MTUS1: variants seen among roughly 807,000 people sequenced by gnomAD.
MTUS1 encodes microtubule-associated tumor suppressor 1.
Under a neutral mutation model 120.8 loss-of-function variants are expected in MTUS1, and 109 were observed. The observed-to-expected ratio is 0.90, with a 90% CI of 0.77 to 1.06. MTUS1 has a LOEUF of 1.06. Ranked by LOEUF, MTUS1 falls within the 50% of genes least tolerant of loss-of-function variation. The pLI, the probability that MTUS1 is intolerant of heterozygous loss-of-function variation, is 0.00. For missense variants in MTUS1, 2,210 were observed against 1,486.3 expected (o/e 1.49, Z -8.01); for synonymous variants, 737 against 550.5 (o/e 1.34, Z -4.74).
intron 1 of MTUS1, among the ~76,000 whole-genome samples, chr8:17,799,115 A>C (rs79592721): frequency 0.04 from 6,068 of 152,266 alleles, 401 homozygotes; most frequent in African/African-American, 0.14. Context: ...AATTTGGTTA[A>C]ACATTTTTTG....
intron 1 of MTUS1, among the ~76,000 whole-genome samples, chr8:17,798,939 G>A (rs957574391): frequency 2.6e-5 from 4 of 152,070 alleles, no homozygotes. Flanking sequence ...GATTTCTTTG[G>A]TGTTCAAATC....
intron 8 of MTUS1, among the ~76,000 whole-genome samples, chr8:17,670,990 GGGGTGTTC>G (rs1227327418): frequency 6.6e-6 from 1 of 152,082 alleles, no homozygotes; most frequent in East Asian, 1.9e-4. Flanking sequence ...TCTAGGGGGA[GGGGTGTTC>G]CACTGTGAAA....
intron 3 of MTUS1, among the ~76,000 whole-genome samples, chr8:17,725,386 C>G (rs186962336): frequency 2.6e-5 from 4 of 152,186 alleles, no homozygotes; most frequent in African/African-American, 9.6e-5. Context: ...TCCCCTCCTT[C>G]GGCTCCAGCC....
chr8:17,790,094 ATCCCAGCACT>A (rs2051644714), intron 1 of MTUS1, among the ~76,000 whole-genome samples: 1 of 152,148 alleles, frequency 6.6e-6, no homozygotes, highest in Admixed American at 6.5e-5. Context: ...CACACCTGTA[ATCCCAGCACT>A]TTGGGAGGTT....
chr8:17,666,090 C>CTTTTTTTTTTTT (rs57062684), intron 8 of MTUS1, among the ~76,000 whole-genome samples: 2 of 111,100 alleles, frequency 1.8e-5, no homozygotes, highest in Non-Finnish European at 3.6e-5. Flanking sequence ...AGAACAGATG[C>CTTTTTTTTTTTT]TTTTTTTTTT....
At chr8:17,686,745 C>T (rs1815894739) in intron 6 of MTUS1, among the ~76,000 whole-genome samples, 1 of 151,978 alleles carries the variant, frequency 6.6e-6, no homozygotes, top group African/African-American at 2.4e-5. Flanking sequence ...TTGCTTTTTG[C>T]TTATAAATCC....
chr8:17,742,291 G>GTTTTTTTTTTT (rs1237059839), intron 3 of MTUS1, among the ~76,000 whole-genome samples: 1 of 94,696 alleles, frequency 1.1e-5, no homozygotes, highest in African/African-American at 4.3e-5. Flanking sequence ...TGTTGTTGTT[G>GTTTTTTTTTTT]TTTTTTTTTT....
chr8:17,782,235 T>C (rs1356678319), intron 1 of MTUS1, among the ~76,000 whole-genome samples: 1 of 152,184 alleles, frequency 6.6e-6, no homozygotes, highest in Non-Finnish European at 1.5e-5. Flanking sequence ...GGAAAAGGTA[T>C]TGATAAAAAT....
intron 3 of MTUS1, among the ~76,000 whole-genome samples, chr8:17,731,895 C>G (rs1299109244): frequency 6.6e-6 from 1 of 152,198 alleles, no homozygotes; most frequent in Non-Finnish European, 1.5e-5. Flanking sequence ...TTGCTTAACC[C>G]CATAGAAGAG....
intron 1 of MTUS1, chr8:17,770,618 T>C: frequency 6.6e-6 from 1 of 152,308 alleles, no homozygotes; most frequent in Non-Finnish European, 1.5e-5. Context: ...CAATGAAGCC[T>C]CTCTGGGGAC....
intron 8 of MTUS1, among the ~76,000 whole-genome samples, chr8:17,662,775 C>A (rs2130437302): frequency 6.7e-6 from 1 of 150,080 alleles, no homozygotes; most frequent in South Asian, 2.1e-4. Context: ...TGTTTGTAAA[C>A]CATGAAAGCT....
intron 4 of MTUS1, chr8:17,723,442 G>A (rs1007031003): frequency 4.0e-5 from 23 of 569,468 alleles, no homozygotes; most frequent in South Asian, 7.7e-5. Context: ...CACTTCAGAC[G>A]ATGCACTTTC....
At chr8:17,695,367 C>A (rs1034035816) in intron 6 of MTUS1, among the ~76,000 whole-genome samples, 1 of 152,202 alleles carries the variant, frequency 6.6e-6, no homozygotes, top group African/African-American at 2.4e-5. Context: ...ATCTCTGGCA[C>A]TTACTGTGTG....
At chr8:17,661,493 A>G (rs1297659287) in intron 8 of MTUS1, among the ~76,000 whole-genome samples, 1 of 152,210 alleles carries the variant, frequency 6.6e-6, no homozygotes, top group East Asian at 1.9e-4. Context: ...TTAATAGCAG[A>G]CTACCCTGGC....
At chr8:17,725,185 T>C (rs1020380920) in intron 3 of MTUS1, among the ~76,000 whole-genome samples, 18 of 152,082 alleles carry the variant, frequency 1.2e-4, no homozygotes, top group Admixed American at 2.0e-4. Flanking sequence ...CTACCCAGAG[T>C]TGAAAAAGAC....
At chr8:17,655,015 C>T (rs1807899782) in intron 9 of MTUS1, 1 of 217,920 alleles carries the variant, frequency 4.6e-6, no homozygotes, top group East Asian at 1.0e-4. Context: ...CTCAGGAACA[C>T]AGACACAGAG....
chr8:17,741,607 A>C (rs1488358959), intron 3 of MTUS1, among the ~76,000 whole-genome samples: 1 of 152,254 alleles, frequency 6.6e-6, no homozygotes, highest in African/African-American at 2.4e-5. Flanking sequence ...TGCAACACAG[A>C]GTAAAAGGAC....
At chr8:17,744,025 A>G (rs2047540114) in intron 2 of MTUS1, among the ~76,000 whole-genome samples, 1 of 152,198 alleles carries the variant, frequency 6.6e-6, no homozygotes, top group Non-Finnish European at 1.5e-5. Flanking sequence ...TAAGTCAGAC[A>G]AAACAGACTC....
chr8:17,714,542 C>G (rs574911617), intron 5 of MTUS1, among the ~76,000 whole-genome samples: 6 of 152,272 alleles, frequency 3.9e-5, no homozygotes, highest in African/African-American at 1.2e-4. Flanking sequence ...CAATAAAAGT[C>G]AGAAGTTGCC....
Sources: gnomAD v4.1 joint callset for allele counts (sites outside exome capture counted in the v4.1 genomes callset) on GRCh38, gnomAD v4.1.1 for gene constraint, MANE v1.5 for transcripts, NCBI Gene and HGNC (gene_info 2026-07-23, HGNC 2026-07-21) for gene names.